The following NTM variants were observed in gnomAD, a reference collection of about 807,000 sequenced individuals.
The protein encoded by NTM is IgLON family member 2.
NTM carries 13 observed loss-of-function variants against 42.1 expected under a neutral mutation model. That is an observed-to-expected ratio of 0.31 (90% CI 0.20 to 0.49). The LOEUF (loss-of-function observed/expected upper bound fraction) is 0.49. NTM is among the 20% of genes least tolerant of loss of function. The pLI is 0.99. For synonymous variants in NTM, 187 were observed against 179.2 expected (o/e 1.04, Z -0.35); for missense variants, 373 against 452.8 (o/e 0.82, Z 1.60).
intron 1 of NTM, among the ~76,000 whole-genome samples, chr11:131,857,843 T>A (rs1565636781): frequency 6.6e-6 from 1 of 152,222 alleles, no homozygotes; most frequent in African/African-American, 2.4e-5. Flanking sequence ...TCCTGCTAGA[T>A]GACCTTTCTA....
chr11:131,794,110 G>T (rs533373802), intron 1 of NTM, among the ~76,000 whole-genome samples: 1 of 152,190 alleles, frequency 6.6e-6, no homozygotes, highest in African/African-American at 2.4e-5. Flanking sequence ...CATGCTGCTT[G>T]TCAGAAGGGA....
At chr11:132,137,483 CTCTT>C (rs1404418080) in intron 2 of NTM, among the ~76,000 whole-genome samples, 3 of 152,204 alleles carry the variant, frequency 2.0e-5, no homozygotes, top group Non-Finnish European at 4.4e-5. Context: ...AAAATGCAGA[CTCTT>C]TCTTTCACGA....
At chr11:131,446,427 A>C (rs1950061133) in intron 1 of NTM, among the ~76,000 whole-genome samples, 1 of 152,152 alleles carries the variant, frequency 6.6e-6, no homozygotes, top group Admixed American at 6.5e-5. Flanking sequence ...TTTCCAAAAG[A>C]GCACACTCAG....
intron 2 of NTM, among the ~76,000 whole-genome samples, chr11:132,104,677 A>T (rs1591537463): frequency 6.6e-6 from 1 of 150,706 alleles, no homozygotes; most frequent in East Asian, 2.0e-4. Flanking sequence ...CAGGAGGACA[A>T]AGAGGGAGGA....
At chr11:132,320,466 G>T (rs937681347) in intron 7 of NTM, among the ~76,000 whole-genome samples, 1 of 152,166 alleles carries the variant, frequency 6.6e-6, no homozygotes, top group Non-Finnish European at 1.5e-5. Context: ...GCGCTTTTCC[G>T]ACGGGCTTAA....
At chr11:131,615,605 A>G (rs987340716) in intron 1 of NTM, among the ~76,000 whole-genome samples, 2 of 152,058 alleles carry the variant, frequency 1.3e-5, no homozygotes, top group Admixed American at 1.3e-4. Context: ...CCTGACCTCA[A>G]GTGATCCACC....
At chr11:132,304,794 G>C (rs561329800) in intron 4 of NTM, among the ~76,000 whole-genome samples, 1 of 152,264 alleles carries the variant, frequency 6.6e-6, no homozygotes, top group Admixed American at 6.5e-5. Flanking sequence ...TAATCAAAAA[G>C]TGTACATGTA....
chr11:131,930,802 C>T (rs899990031), intron 2 of NTM, among the ~76,000 whole-genome samples: 2 of 152,106 alleles, frequency 1.3e-5, no homozygotes, highest in Admixed American at 6.5e-5. Context: ...ATGTATTCTC[C>T]TTCAAATGTT....
chr11:131,932,278 T>C (rs2058713964), intron 2 of NTM, among the ~76,000 whole-genome samples: 1 of 152,154 alleles, frequency 6.6e-6, no homozygotes, highest in Non-Finnish European at 1.5e-5. Context: ...GGCGGGTCGA[T>C]GGGAAAGGAA....
chr11:132,172,295 T>C (rs1460107584), intron 3 of NTM, among the ~76,000 whole-genome samples: 1 of 152,222 alleles, frequency 6.6e-6, no homozygotes, highest in Non-Finnish European at 1.5e-5. Flanking sequence ...TGTTTGATAA[T>C]GTCCACATAG....
intron 2 of NTM, among the ~76,000 whole-genome samples, chr11:131,975,545 G>GAA (rs138674879): frequency 9.9e-5 from 15 of 151,474 alleles, no homozygotes; most frequent in East Asian, 5.9e-4. Context: ...GGGGAGGGGG[G>GAA]AAAAAAAACC....
intron 2 of NTM, among the ~76,000 whole-genome samples, chr11:132,048,243 T>C (rs747138622): frequency 3.9e-5 from 6 of 152,078 alleles, no homozygotes; most frequent in Non-Finnish European, 8.8e-5. Context: ...TAGACAGCAA[T>C]ACCCCCCATG....
intron 1 of NTM, among the ~76,000 whole-genome samples, chr11:131,778,449 A>G (rs2087458430): frequency 6.6e-6 from 1 of 152,236 alleles, no homozygotes; most frequent in African/African-American, 2.4e-5. Context: ...CTTTTCACAT[A>G]CTTAACCATT....
chr11:131,845,610 T>C (rs903949283), intron 1 of NTM, among the ~76,000 whole-genome samples: 1 of 151,698 alleles, frequency 6.6e-6, no homozygotes, highest in Non-Finnish European at 1.5e-5. Flanking sequence ...GGCGAATCCA[T>C]TCACATTATC....
intron 1 of NTM, among the ~76,000 whole-genome samples, chr11:131,382,256 A>ACC (rs1942781320): frequency 6.6e-6 from 1 of 152,116 alleles, no homozygotes; most frequent in Non-Finnish European, 1.5e-5. Context: ...GGAGACTGGG[A>ACC]TCCTTCCTGG....
chr11:132,256,633 G>T (rs2092493422), intron 4 of NTM, among the ~76,000 whole-genome samples: 2 of 144,594 alleles, frequency 1.4e-5, no homozygotes, highest in South Asian at 2.2e-4. Context: ...TCTGTTGGTT[G>T]ATTTTTTTTT....
In NTM at chr11:131,703,259, G is replaced by A. The variant is rs193110739; in HGVS notation, c.83-208305G>A. ...CAAAGAGATGATAAACATTTTAGGC[G>A]ATTGATATGTTAATTACTTTGATTT... On this transcript the variant is annotated intron_variant, in intron 1 of 8. Transcript: ENST00000683400. 1.7e-3 allele frequency among the ~76,000 whole-genome samples: 259 copies of A among 152,264 alleles called. 1 individual carries two copies. Among genetic ancestry groups the A allele is most frequent in the African/African-American group, 6.0e-3 (251 of 41,554 alleles).
At chr11:131,413,225 C>A (rs573965463) in intron 1 of NTM, among the ~76,000 whole-genome samples, 1 of 152,116 alleles carries the variant, frequency 6.6e-6, no homozygotes, top group African/African-American at 2.4e-5. Flanking sequence ...ATATTGTTAT[C>A]CATGTTAGTG....
At chr11:132,184,041 C>T (rs571767809) in intron 3 of NTM, among the ~76,000 whole-genome samples, 42 of 152,202 alleles carry the variant, frequency 2.8e-4, no homozygotes, top group Admixed American at 6.5e-4. Flanking sequence ...GTGCCTGGTG[C>T]CAAGCACAAA....
Sources: gnomAD v4.1 joint callset for allele counts (sites outside exome capture counted in the v4.1 genomes callset) on GRCh38, gnomAD v4.1.1 for gene constraint, MANE v1.5 for transcripts, NCBI Gene and HGNC (gene_info 2026-07-23, HGNC 2026-07-21) for gene names.